Variants in BBX observed in about 807,000 individuals in gnomAD.
BBX encodes BBX high mobility group box domain containing, also known as HMG box transcription factor BBX.
A neutral mutation model predicts 100.2 loss-of-function variants in BBX; 30 were observed. The ratio of observed to expected loss-of-function variants is 0.30; its 90% CI spans 0.22 to 0.41. BBX has a LOEUF of 0.41. Among genes scored for constraint, BBX ranks in the 10% least tolerant of loss-of-function variants. The pLI is 1.00. For synonymous variants in BBX, 376 were observed against 388.1 expected, an observed-to-expected ratio of 0.97 and a Z score of 0.37; for missense variants, 1,023 against 1,129.8, an observed-to-expected ratio of 0.91 and a Z score of 1.35.
At chr3:107,546,757 G>A (rs1374173067) in intron 2 of BBX, among the ~76,000 whole-genome samples, 1 of 152,000 alleles carries the variant, frequency 6.6e-6, no homozygotes, top group South Asian at 2.1e-4. Context: ...TCATGATTTG[G>A]GACCTGAAAA....
chr3:107,691,464 C>G (rs2060166152), intron 3 of BBX, among the ~76,000 whole-genome samples: 1 of 152,138 alleles, frequency 6.6e-6, no homozygotes, highest in Non-Finnish European at 1.5e-5. Context: ...AAACAGAGCA[C>G]TGTTATGACT....
chr3:107,589,021 G>T (rs1449193863), intron 2 of BBX, among the ~76,000 whole-genome samples: 3 of 152,180 alleles, frequency 2.0e-5, no homozygotes, highest in Non-Finnish European at 2.9e-5. Flanking sequence ...AGGGGGATAT[G>T]TTACACCTAC....
chr3:107,614,750 ATGG>A (rs2055126867), intron 2 of BBX, among the ~76,000 whole-genome samples: 1 of 152,096 alleles, frequency 6.6e-6, no homozygotes, highest in South Asian at 2.1e-4. Context: ...TATTCAGGCT[ATGG>A]TTGGTTAAAT....
At chr3:107,693,109 G>T (rs2060303504) in intron 3 of BBX, among the ~76,000 whole-genome samples, 1 of 147,980 alleles carries the variant, frequency 6.8e-6, no homozygotes, top group Admixed American at 6.7e-5. Context: ...CCCTTTGTCA[G>T]ATGAGTAGGT....
At chr3:107,528,305 G>C (rs1576174396) in intron 2 of BBX, among the ~76,000 whole-genome samples, 2 of 152,232 alleles carry the variant, frequency 1.3e-5, no homozygotes, top group East Asian at 1.9e-4. Context: ...GCATGTCTCT[G>C]TTAGGTTCTG....
intron 3 of BBX, 108 bp from the exon 4 acceptor site, chr3:107,710,344 C>T (rs1194906493): frequency 1.2e-6 from 1 of 855,118 alleles, no homozygotes; most frequent in Non-Finnish European, 1.8e-6. Context: ...CTAATTAATC[C>T]TAAAGGGAGC....
intron 3 of BBX, among the ~76,000 whole-genome samples, chr3:107,666,761 G>A (rs1489056400): frequency 1.3e-5 from 2 of 152,096 alleles, no homozygotes; most frequent in African/African-American, 4.8e-5. Flanking sequence ...CAGTAGAGAC[G>A]GGGTTTCACC....
chr3:107,616,294 T>C (rs2055274731), intron 2 of BBX, among the ~76,000 whole-genome samples: 1 of 151,980 alleles, frequency 6.6e-6, no homozygotes, highest in Non-Finnish European at 1.5e-5. Context: ...TATTTCAAAA[T>C]GAAAAAATTC....
chr3:107,584,414 T>A (rs1253220173), intron 2 of BBX, among the ~76,000 whole-genome samples: 2 of 149,480 alleles, frequency 1.3e-5, no homozygotes, highest in South Asian at 4.2e-4. Flanking sequence ...TCAATTTAGT[T>A]TGTGAAATTT....
rs115153208 is a variant in BBX, at chr3:107,530,561, A to G, written c.-84+4163A>G. Among the ~76,000 whole-genome samples, 349 of 152,290 alleles carry G rather than the reference A, an allele frequency of 2.3e-3. 2 individuals carry two copies. The highest frequency in any genetic ancestry group is 7.3e-3 in the African/African-American group (303 of 41,548). On this transcript the variant is annotated intron_variant, in intron 2 of 17. Transcript: ENST00000325805. The stretch of plus-strand genomic sequence containing the variant: ...ATGAAAAGTTCAGGGAATAAAACAA[A>G]CTCCTGGAACAGAATAACTGAACTC...
At chr3:107,621,409 C>G (rs1332014307) in intron 2 of BBX, among the ~76,000 whole-genome samples, 1 of 152,088 alleles carries the variant, frequency 6.6e-6, no homozygotes, top group Non-Finnish European at 1.5e-5. Context: ...TATATAATGT[C>G]CAGTATTTAA....
chr3:107,667,483 T>G (rs1576255295), intron 3 of BBX, among the ~76,000 whole-genome samples: 1 of 151,848 alleles, frequency 6.6e-6, no homozygotes, highest in Non-Finnish European at 1.5e-5. Context: ...AAAAATAAAC[T>G]ATATTATTAA....
intron 7 of BBX, among the ~76,000 whole-genome samples, chr3:107,739,004 A>G (rs574846963): frequency 3.9e-5 from 6 of 152,348 alleles, no homozygotes; most frequent in African/African-American, 1.2e-4. Flanking sequence ...CAAAAATCTG[A>G]GACACAGAAA....
At chr3:107,642,478 G>A (rs1460322597) in intron 2 of BBX, among the ~76,000 whole-genome samples, 4 of 152,152 alleles carry the variant, frequency 2.6e-5, no homozygotes, top group Non-Finnish European at 5.9e-5. Flanking sequence ...GGAAGCCAGC[G>A]GAAGGTTTTG....
intron 3 of BBX, among the ~76,000 whole-genome samples, chr3:107,692,264 A>G (rs957491389): frequency 1.3e-4 from 20 of 151,892 alleles, no homozygotes; most frequent in Non-Finnish European, 2.6e-4. Flanking sequence ...TTACATATGT[A>G]TACATGTGCC....
intron 2 of BBX, among the ~76,000 whole-genome samples, chr3:107,545,752 G>A (rs905714361): frequency 2.0e-5 from 3 of 152,166 alleles, no homozygotes; most frequent in African/African-American, 7.2e-5. Context: ...TGTGTCTTGG[G>A]TAGTTTGTGG....
chr3:107,705,860 A>T (rs766943814), intron 3 of BBX, among the ~76,000 whole-genome samples: 3 of 152,136 alleles, frequency 2.0e-5, no homozygotes, highest in Non-Finnish European at 4.4e-5. Flanking sequence ...TGGTAGAGGC[A>T]GGATTCTAAA....
At chr3:107,536,970 G>T (rs1427928308) in intron 2 of BBX, among the ~76,000 whole-genome samples, 2 of 152,230 alleles carry the variant, frequency 1.3e-5, no homozygotes, top group Non-Finnish European at 2.9e-5. Context: ...GCTAGACCTT[G>T]AAATATGGGA....
intron 3 of BBX, among the ~76,000 whole-genome samples, chr3:107,693,317 T>TAAA (rs2060321638): frequency 2.0e-5 from 3 of 151,812 alleles, no homozygotes; most frequent in African/African-American, 7.3e-5. Context: ...TCTTCTAGGG[T>TAAA]TTTTATGGTT....
Sources: allele counts gnomAD v4.1 joint callset (sites outside exome capture counted in the v4.1 genomes callset), GRCh38; gene constraint gnomAD v4.1.1; transcripts MANE v1.5; gene names NCBI Gene and HGNC (gene_info 2026-07-23, HGNC 2026-07-21).